RBPMS: variants seen among roughly 807,000 people sequenced by gnomAD.
RBPMS encodes the protein RNA-binding protein with multiple splicing.
A neutral mutation model predicts 26.8 loss-of-function variants in RBPMS; 7 were observed. That is an observed-to-expected ratio of 0.26 (90% CI 0.15 to 0.49). The LOEUF is 0.49. RBPMS is among the 20% of genes least tolerant of loss of function. The pLI is 0.98. For synonymous variants in RBPMS, 96 were observed against 93.3 expected (o/e 1.03, Z -0.17); for missense variants, 186 against 250.0 (o/e 0.74, Z 1.73).
intron 1 of RBPMS, among the ~76,000 whole-genome samples, chr8:30,471,398 A>T (rs879688644): frequency 2.0e-5 from 3 of 152,186 alleles, no homozygotes; most frequent in Admixed American, 2.0e-4. Context: ...CCTTTTCTCT[A>T]TAACAATATT....
intron 5 of RBPMS, among the ~76,000 whole-genome samples, chr8:30,504,875 T>G (rs1563385547): frequency 6.6e-6 from 1 of 152,168 alleles, no homozygotes; most frequent in Non-Finnish European, 1.5e-5. Flanking sequence ...GGGAATTTGG[T>G]TCTATTCAGT....
chr8:30,425,240 C>T (rs1436573982), intron 1 of RBPMS, among the ~76,000 whole-genome samples: 1 of 151,996 alleles, frequency 6.6e-6, no homozygotes, highest in Non-Finnish European at 1.5e-5. Context: ...AGATTATAGG[C>T]ATTTATTCCA....
chr8:30,511,617 GTA>G (rs1248393188), intron 5 of RBPMS, among the ~76,000 whole-genome samples: 19 of 145,218 alleles, frequency 1.3e-4, no homozygotes, highest in African/African-American at 4.6e-4. Context: ...ATATATATTT[GTA>G]TATATATGTG....
At chr8:30,504,588 C>G (rs1820900076) in intron 5 of RBPMS, 152 bp downstream of exon 5, 1 of 668,592 alleles carries the variant, frequency 1.5e-6, no homozygotes, top group Non-Finnish European at 2.4e-6. Context: ...GTCAGAATTC[C>G]AAATACAGCA....
chr8:30,419,311 T>G (rs991200716), intron 1 of RBPMS, among the ~76,000 whole-genome samples: 1 of 152,040 alleles, frequency 6.6e-6, no homozygotes, highest in African/African-American at 2.4e-5. Flanking sequence ...CCGGGCATGG[T>G]GGTGCACGTC....
intron 8 of RBPMS, among the ~76,000 whole-genome samples, chr8:30,567,408 T>A (rs1827974514): frequency 6.6e-6 from 1 of 152,198 alleles, no homozygotes; most frequent in African/African-American, 2.4e-5. Context: ...AGGGTGCCTG[T>A]TTCTTGCACT....
intron 6 of RBPMS, among the ~76,000 whole-genome samples, chr8:30,548,481 T>TA (rs1826036672): frequency 6.6e-6 from 1 of 152,226 alleles, no homozygotes; most frequent in African/African-American, 2.4e-5. Context: ...AGAGGCCTCA[T>TA]TTGTCCAGAG....
chr8:30,539,247 T>A (rs942776718), intron 5 of RBPMS, among the ~76,000 whole-genome samples: 30 of 152,224 alleles, frequency 2.0e-4, no homozygotes, highest in Admixed American at 7.9e-4. Flanking sequence ...TGGAAGACTC[T>A]GTCCCTGAGT....
intron 1 of RBPMS, among the ~76,000 whole-genome samples, chr8:30,463,316 G>C (rs1390965098): frequency 1.3e-5 from 2 of 152,122 alleles, no homozygotes; most frequent in Non-Finnish European, 2.9e-5. Flanking sequence ...TCTAGCTCAG[G>C]GTCATAAGGT....
chr8:30,561,255 G>A (rs1827458404), intron 7 of RBPMS, among the ~76,000 whole-genome samples: 1 of 152,124 alleles, frequency 6.6e-6, no homozygotes. Context: ...AATTTTGTAA[G>A]TCCATGTTTC....
At chr8:30,505,560 AT>A (rs1456838411) in intron 5 of RBPMS, among the ~76,000 whole-genome samples, 2 of 152,204 alleles carry the variant, frequency 1.3e-5, no homozygotes, top group Admixed American at 1.3e-4. Context: ...ATTAAAAAAA[AT>A]TATTTTGTTC....
At chr8:30,479,200 C>A in intron 3 of RBPMS, 115 bp from the exon 4 acceptor site, 1 of 740,680 alleles carries the variant, frequency 1.4e-6, no homozygotes, top group Non-Finnish European at 2.3e-6. Context: ...CTTATTTCTG[C>A]CCATTGCCTG....
At chr8:30,479,271 A>C in intron 3 of RBPMS, 44 bp from the exon 4 acceptor site, 1 of 1,418,772 alleles carries the variant, frequency 7.0e-7, no homozygotes. Flanking sequence ...AAAAGTAGAC[A>C]TCATCTGATT....
At chr8:30,413,054 G>A (rs1809635343) in intron 1 of RBPMS, among the ~76,000 whole-genome samples, 1 of 152,108 alleles carries the variant, frequency 6.6e-6, no homozygotes, top group Admixed American at 6.5e-5. Context: ...TAAGCAGGCT[G>A]GACTTTTCTA....
At position 30,411,039 on chromosome 8, in the gene RBPMS, G is replaced by C. The variant is rs143124384; in HGVS notation, c.66+25881G>C. On this transcript the variant is annotated intron_variant, in intron 1 of 8. Coordinates refer to ENST00000397323, the MANE Select transcript of RBPMS (RefSeq NM_001008710.3). ...CAGGTGTGAGCCACTGTGCCTGGCC[G>C]TGAAATTTTCTTAATAATTTTTAAT... Among the ~76,000 whole-genome samples the C allele has an allele frequency of 1.7e-3, 258 of 152,156 alleles. 1 individual carries two copies. The highest frequency in any genetic ancestry group is 6.0e-3 in the African/African-American group (248 of 41,530).
At chr8:30,556,213 A>T (rs1450553252) in intron 6 of RBPMS, 1 of 985,240 alleles carries the variant, frequency 1.0e-6, no homozygotes, top group African/African-American at 1.7e-5. Flanking sequence ...AGGAGCAGCC[A>T]CCTATTGCAT....
chr8:30,518,687 C>CTT (rs58763494), intron 5 of RBPMS, among the ~76,000 whole-genome samples: 425 of 18,226 alleles, frequency 0.023, 109 homozygotes, highest in Middle Eastern at 0.1. Flanking sequence ...CCAAGCATGA[C>CTT]TTTTTTTTTT....
intron 4 of RBPMS, among the ~76,000 whole-genome samples, chr8:30,502,943 T>TAA: frequency 6.6e-6 from 1 of 152,134 alleles, no homozygotes; most frequent in South Asian, 2.1e-4. Flanking sequence ...ATCTGTTCGC[T>TAA]TTTTGGTGTT....
chr8:30,495,901 G>A (rs1433388983), intron 4 of RBPMS, among the ~76,000 whole-genome samples: 1 of 152,190 alleles, frequency 6.6e-6, no homozygotes, highest in Non-Finnish European at 1.5e-5. Flanking sequence ...TCACGGAACT[G>A]TAATGTCCTC....
Sources: allele counts gnomAD v4.1 joint callset (sites outside exome capture counted in the v4.1 genomes callset), GRCh38; gene constraint gnomAD v4.1.1; transcripts MANE v1.5; gene names NCBI Gene and HGNC (gene_info 2026-07-23, HGNC 2026-07-21).